The following SMYD4 variants were observed in gnomAD, a reference collection of about 807,000 sequenced individuals.
SMYD4 encodes SET and MYND domain containing 4, also known as protein-lysine N-methyltransferase SMYD4.
In SMYD4, 68 loss-of-function variants were observed where a neutral mutation model predicts 72.8. That is an observed-to-expected ratio of 0.93 (90% CI 0.77 to 1.14). The LOEUF (loss-of-function observed/expected upper bound fraction) is 1.14, where lower values mean the gene tolerates loss of function less well. Ranked by LOEUF, SMYD4 falls within the 50% of genes most tolerant of loss-of-function variation. SMYD4 has a pLI of 0.00. For synonymous variants in SMYD4, 407 were observed against 388.6 expected (o/e 1.05, Z -0.56); for missense variants, 984 against 1,003.7 (o/e 0.98, Z 0.27).
intron 7 of SMYD4, among the ~76,000 whole-genome samples, chr17:1,785,763 C>CA (rs1355052619): frequency 1.7e-3 from 70 of 42,082 alleles, no homozygotes; most frequent in Admixed American, 0.012. Flanking sequence ...GACCCCATCT[C>CA]AAAAAAAAAA....
Position 1,828,022 on chromosome 17 carries a change from G to A in SMYD4, c.-12-16C>T. ...TGCTTTTGATCTATAAAATGAGTAA[G>A]AAAATAGGAATCTTACAAATGCACA... is the stretch of plus-strand genomic sequence containing the variant. On this transcript the variant is annotated splice_polypyrimidine_tract_variant and intron_variant, in intron 1 of 10. Transcript: ENST00000305513. 3 of 1,588,862 alleles carry A rather than the reference G, an allele frequency of 1.9e-6. No individual in the cohort carries two copies. The highest frequency in any genetic ancestry group is 2.6e-6 in the Non-Finnish European group (3 of 1,159,784).
Position 1,827,853 on chromosome 17 carries a change from T to A in SMYD4, c.134+8A>T. 1 of 1,593,500 alleles carries A rather than the reference T, an allele frequency of 6.3e-7. No homozygotes were observed. Among genetic ancestry groups the A allele is most frequent in the Non-Finnish European group, 8.6e-7 (1 of 1,163,380 alleles). ...CACAATTCCCTTGTTAAAGCTTGAT[T>A]TACTTACTGAAGAAGTGAAGAGGAG... On this transcript the variant is annotated splice_region_variant and intron_variant, in intron 2 of 10. Transcript: ENST00000305513.
chr17:1,829,345 C>G (rs1003282998), intron 1 of SMYD4: 1 of 152,456 alleles, frequency 6.6e-6, no homozygotes, highest in African/African-American at 2.4e-5. Context: ...CGGACCAACC[C>G]TACCCTGGCT....
At chr17:1,797,244 G>A (rs60597411) in intron 5 of SMYD4, among the ~76,000 whole-genome samples, 41,479 of 152,034 alleles carry the variant, frequency 0.27, 6,702 homozygotes, top group African/African-American at 0.46. Flanking sequence ...ATAAAAACTC[G>A]GTTTAGCTAA....
intron 10 of SMYD4, chr17:1,781,659 G>A (rs7216863): frequency 0.29 from 94,257 of 330,478 alleles, 16,496 homozygotes; most frequent in Non-Finnish European, 0.35. Flanking sequence ...CTGAGAACAC[G>A]AGGCAAATCT....
In SMYD4 at chr17:1,799,770, C is replaced by T. The variant is rs117539340; in HGVS notation, c.1537+87G>A. The T allele has an allele frequency of 2.4e-3, 3,095 of 1,284,724 alleles. 3 individuals carry two copies. Among genetic ancestry groups the T allele is most frequent in the Non-Finnish European group, 3.0e-3 (2,832 of 957,712 alleles). 79.6% of individuals were successfully genotyped at this position (1,284,724 alleles called of 1,614,324 possible). A position where few individuals can be genotyped will look rare whatever the true frequency, so the allele number is the denominator to read the frequency against. ...CATTAGCTCAATGATTTGTTTGAAT[C>T]CTATTTTCCTTTGGAATTGTTTCTT... On this transcript the variant is annotated intron_variant, in intron 5 of 10. Transcript: ENST00000305513.
chr17:1,785,885 G>A (rs1908662569), intron 7 of SMYD4, among the ~76,000 whole-genome samples: 2 of 152,128 alleles, frequency 1.3e-5, no homozygotes, highest in South Asian at 4.1e-4. Context: ...TTTCACTCAT[G>A]ACTCCCCTAA....
chr17:1,828,479 T>C (rs1439877145), intron 1 of SMYD4, among the ~76,000 whole-genome samples: 1 of 151,998 alleles, frequency 6.6e-6, no homozygotes, highest in African/African-American at 2.4e-5. Context: ...AGCAATTCAC[T>C]CAACATCCTT....
chr17:1,827,725 C>T, intron 2 of SMYD4, 136 bp downstream of exon 2: 1 of 1,223,226 alleles, frequency 8.2e-7, no homozygotes, highest in Non-Finnish European at 1.1e-6. Context: ...TGCTTGAGCC[C>T]AGAAATTTGA....
At chr17:1,786,738 C>G in intron 7 of SMYD4, 72 bp downstream of exon 7, 2 of 1,592,630 alleles carry the variant, frequency 1.3e-6, no homozygotes, top group Non-Finnish European at 8.6e-7. Flanking sequence ...TGGCTTCCTC[C>G]TAAACACTGA....
chr17:1,818,046 CAAAAAAAA>C (rs540448588), intron 2 of SMYD4, among the ~76,000 whole-genome samples: 1 of 103,266 alleles, frequency 9.7e-6, no homozygotes, highest in African/African-American at 3.8e-5. Flanking sequence ...GACTCTGTCT[CAAAAAAAA>C]AAAAAAAAAA....
intron 2 of SMYD4, among the ~76,000 whole-genome samples, chr17:1,817,111 C>T (rs1910644046): frequency 6.6e-6 from 1 of 150,624 alleles, no homozygotes; most frequent in East Asian, 1.9e-4. Context: ...GTTTCTCGGC[C>T]ACTGCAACCT....
chr17:1,824,300 G>A (rs1461952332), intron 2 of SMYD4, among the ~76,000 whole-genome samples: 4 of 152,110 alleles, frequency 2.6e-5, no homozygotes, highest in East Asian at 3.9e-4. Context: ...CTGAGATTGC[G>A]CCACTGCACT....
At chr17:1,801,144 C>T (rs573044529) in intron 4 of SMYD4, 120 bp from the exon 5 acceptor site, 1 of 847,588 alleles carries the variant, frequency 1.2e-6, no homozygotes, top group African/African-American at 1.7e-5. Context: ...ACAATTACAA[C>T]CACATGCTTA....
chr17:1,813,607 G>A (rs1447587176), intron 2 of SMYD4, among the ~76,000 whole-genome samples: 1 of 151,840 alleles, frequency 6.6e-6, no homozygotes, highest in African/African-American at 2.4e-5. Flanking sequence ...GTAGAGATGG[G>A]GTCTCATCAT....
At chr17:1,798,679 C>T (rs1172166136) in intron 5 of SMYD4, among the ~76,000 whole-genome samples, 1 of 152,164 alleles carries the variant, frequency 6.6e-6, no homozygotes, top group East Asian at 1.9e-4. Context: ...AGGTGGATCA[C>T]CTGAAGCCAG....
At chr17:1,788,959 T>C (rs927013890) in intron 5 of SMYD4, among the ~76,000 whole-genome samples, 5 of 152,194 alleles carry the variant, frequency 3.3e-5, no homozygotes, top group African/African-American at 7.2e-5. Flanking sequence ...ATGAGGCAAA[T>C]TGTGTTTCTA....
intron 1 of SMYD4, among the ~76,000 whole-genome samples, chr17:1,828,702 ATTCTC>A (rs1911342987): frequency 6.6e-6 from 1 of 151,500 alleles, no homozygotes; most frequent in Non-Finnish European, 1.5e-5. Context: ...GGTTCAAGCA[ATTCTC>A]CTGCCTCAGC....
chr17:1,798,494 G>C (rs1003411629), intron 5 of SMYD4, among the ~76,000 whole-genome samples: 3 of 152,102 alleles, frequency 2.0e-5, no homozygotes, highest in Admixed American at 2.0e-4. Context: ...TGAGTGCAGT[G>C]GTTCACACCT....
Sources: gnomAD v4.1 joint callset for allele counts (sites outside exome capture counted in the v4.1 genomes callset) on GRCh38, gnomAD v4.1.1 for gene constraint, MANE v1.5 for transcripts, NCBI Gene and HGNC (gene_info 2026-07-23, HGNC 2026-07-21) for gene names.